The following NAALADL2 variants were observed in gnomAD, a reference collection of about 807,000 sequenced individuals.
The protein encoded by NAALADL2 is inactive N-acetylated-alpha-linked acidic dipeptidase-like protein 2.
NAALADL2 carries 76 observed loss-of-function variants against 87.2 expected under a neutral mutation model. That is an observed-to-expected ratio of 0.87 (90% CI 0.72 to 1.05). NAALADL2 has a LOEUF of 1.05. Among genes scored for constraint, NAALADL2 ranks in the 50% least tolerant of loss-of-function variants. The pLI is 0.00. For synonymous variants in NAALADL2, 354 were observed against 331.0 expected (o/e 1.07, Z -0.75); for missense variants, 1,089 against 945.8 (o/e 1.15, Z -1.99).
intron 6 of NAALADL2, among the ~76,000 whole-genome samples, chr3:175,448,452 A>C: frequency 6.6e-6 from 1 of 152,208 alleles, no homozygotes. Flanking sequence ...GACTTGTAAA[A>C]GACCATATTT....
At chr3:175,623,215 C>T (rs1304936750) in intron 10 of NAALADL2, among the ~76,000 whole-genome samples, 2 of 149,074 alleles carry the variant, frequency 1.3e-5, no homozygotes, top group African/African-American at 4.9e-5. Context: ...TCCATGTAAA[C>T]ACCATCCAAA....
Position 175,191,290 on chromosome 3 carries a change from G to T in NAALADL2, c.546-42641G>T, listed in dbSNP as rs6801109. On this transcript the variant is annotated intron_variant, in intron 2 of 13. Transcript: ENST00000454872. ...ATCCCAAATATTATAGCCAATTCAG[G>T]CACATTCAAATAGTTGAGGCAATAA... Among the ~76,000 whole-genome samples, 4 of 152,020 alleles carry T rather than the reference G, an allele frequency of 2.6e-5. No homozygotes were observed. In the South Asian group the frequency reaches 8.3e-4, roughly 32 times the overall value.
intron 1 of NAALADL2, among the ~76,000 whole-genome samples, chr3:174,981,977 C>T (rs115337470): frequency 2.2e-3 from 337 of 152,282 alleles, no homozygotes; most frequent in African/African-American, 7.8e-3. Context: ...TTTTATTTAA[C>T]ATCATTTGCT....
At chr3:175,140,041 G>A (rs1048927990) in intron 2 of NAALADL2, among the ~76,000 whole-genome samples, 5 of 152,092 alleles carry the variant, frequency 3.3e-5, no homozygotes, top group South Asian at 4.1e-4. Context: ...GAGATAATAC[G>A]GATAAACAAA....
intron 2 of NAALADL2, among the ~76,000 whole-genome samples, chr3:174,704,591 A>G (rs967142908): frequency 1.3e-5 from 2 of 152,142 alleles, no homozygotes; most frequent in African/African-American, 4.8e-5. Flanking sequence ...AGGCAGATAC[A>G]TACCATGTGA....
chr3:174,520,679 A>G (rs181650432), intron 1 of NAALADL2, among the ~76,000 whole-genome samples: 25 of 152,328 alleles, frequency 1.6e-4, no homozygotes, highest in Admixed American at 5.2e-4. Flanking sequence ...TCAAAAGCAT[A>G]TGTAACAAAA....
Position 175,094,010 on chromosome 3 carries a change from G to A in NAALADL2, c.44-2780G>A, listed in dbSNP as rs1470291391. On this transcript the variant is annotated intron_variant, in intron 1 of 13. Transcript: ENST00000454872. The stretch of plus-strand genomic sequence containing the variant: ...TGGCTTTTAAATGATTTATAGAGAG[G>A]TGACTTTGAATGTTTGTATTAGAGG... 3.9e-5 allele frequency among the ~76,000 whole-genome samples: 6 copies of A among 151,966 alleles called. No individual in the cohort carries two copies. The East Asian group carries it at 1.2e-3, about 29-fold the overall frequency.
chr3:174,875,960 TA>T (rs1430685747), intron 1 of NAALADL2, among the ~76,000 whole-genome samples: 3 of 151,756 alleles, frequency 2.0e-5, no homozygotes, highest in African/African-American at 4.8e-5. Context: ...GTAATCAACT[TA>T]AAAGATAGAT....
chr3:175,327,954 T>C (rs1760940819), intron 5 of NAALADL2, among the ~76,000 whole-genome samples: 1 of 152,188 alleles, frequency 6.6e-6, no homozygotes, highest in African/African-American at 2.4e-5. Flanking sequence ...AAATTGATGG[T>C]CTAAATCAAA....
intron 2 of NAALADL2, among the ~76,000 whole-genome samples, chr3:175,192,190 A>G (rs1265874101): frequency 1.3e-5 from 2 of 152,072 alleles, no homozygotes. Context: ...ATCTTGTGGC[A>G]AGACAAATTT....
intron 1 of NAALADL2, among the ~76,000 whole-genome samples, chr3:175,090,283 A>G (rs1174536335): frequency 6.6e-6 from 1 of 152,050 alleles, no homozygotes; most frequent in African/African-American, 2.4e-5. Flanking sequence ...TGTTCACACT[A>G]CCAGTTCAGG....
intron 9 of NAALADL2, among the ~76,000 whole-genome samples, chr3:175,506,169 AAAAAT>A (rs916439575): frequency 5.9e-5 from 9 of 152,180 alleles, no homozygotes; most frequent in Non-Finnish European, 8.8e-5. Context: ...GGTGAAATGG[AAAAAT>A]AAAATAAAAT....
chr3:175,044,409 A>T lies in NAALADL2; in HGVS notation c.44-52381A>T, dbSNP rs1017560614. ...ATATTTGTGTTGCTTTTGTTGTTGC[A>T]TTATATTTGTTGAAATATTTAGACC... is the stretch of plus-strand genomic sequence containing the variant. On this transcript the variant is annotated intron_variant, in intron 1 of 13. Transcript: ENST00000454872. 7.9e-5 allele frequency among the ~76,000 whole-genome samples: 12 copies of T among 152,168 alleles called. No individual in the cohort carries two copies. In the East Asian group the frequency reaches 2.3e-3, roughly 29 times the overall value.
chr3:175,316,954 A>C (rs1759219803), intron 4 of NAALADL2, among the ~76,000 whole-genome samples: 1 of 152,206 alleles, frequency 6.6e-6, no homozygotes, highest in East Asian at 1.9e-4. Context: ...ACCAGGAGCC[A>C]AATTTGACAG....
At chr3:175,687,273 ATATATAGAT>A (rs1736425228) in intron 11 of NAALADL2, among the ~76,000 whole-genome samples, 1 of 152,222 alleles carries the variant, frequency 6.6e-6, no homozygotes, top group Non-Finnish European at 1.5e-5. Context: ...AATAACTCTC[ATATATAGAT>A]TATGAAGACA....
chr3:175,318,438 A>AT (rs1296447653), intron 4 of NAALADL2, among the ~76,000 whole-genome samples: 1 of 152,030 alleles, frequency 6.6e-6, no homozygotes, highest in Non-Finnish European at 1.5e-5. Flanking sequence ...ATAAAAGGTA[A>AT]TTTTTTAATA....
intron 1 of NAALADL2, among the ~76,000 whole-genome samples, chr3:174,997,448 A>T (rs1324509996): frequency 6.6e-6 from 1 of 152,134 alleles, no homozygotes; most frequent in Non-Finnish European, 1.5e-5. Context: ...CAGACAGGTA[A>T]AGACTGCAAA....
chr3:175,680,701 G>A (rs956940900), intron 11 of NAALADL2, among the ~76,000 whole-genome samples: 3 of 152,156 alleles, frequency 2.0e-5, no homozygotes, highest in African/African-American at 4.8e-5. Context: ...TGCATCCAGT[G>A]ACTGTCCAAA....
intron 9 of NAALADL2, among the ~76,000 whole-genome samples, chr3:175,524,854 A>G (rs1370235781): frequency 6.6e-6 from 1 of 152,192 alleles, no homozygotes; most frequent in African/African-American, 2.4e-5. Flanking sequence ...TGTAGCTATC[A>G]TATTAAAAGC....
Sources: gnomAD v4.1 joint callset for allele counts (sites outside exome capture counted in the v4.1 genomes callset) on GRCh38, gnomAD v4.1.1 for gene constraint, MANE v1.5 for transcripts, NCBI Gene and HGNC (gene_info 2026-07-23, HGNC 2026-07-21) for gene names.